Variants in GRIP2 observed in about 807,000 individuals in gnomAD.
GRIP2 encodes the protein glutamate receptor-interacting protein 2.
GRIP2 carries 58 observed loss-of-function variants against 108.3 expected under a neutral mutation model. That is an observed-to-expected ratio of 0.54 (90% CI 0.43 to 0.67). The LOEUF (loss-of-function observed/expected upper bound fraction) is 0.67, where lower values mean the gene tolerates loss of function less well. GRIP2 is among the 30% of genes least tolerant of loss of function. GRIP2 has a pLI of 0.00. For synonymous variants in GRIP2, 586 were observed against 598.2 expected (o/e 0.98, Z 0.30); for missense variants, 1,278 against 1,430.6 (o/e 0.89, Z 1.72).
At chr3:14,524,039 C>G (rs1396951127) in intron 4 of GRIP2, 1 of 476,222 alleles carries the variant, frequency 2.1e-6, no homozygotes, top group Non-Finnish European at 3.8e-6. Context: ...AAATCCCAAG[C>G]TAGGTGAAAC....
rs902843900 is a variant in GRIP2, at chr3:14,511,514, G to A, written c.1721-35C>T. On this transcript the variant is annotated intron_variant, in intron 14 of 23. Transcript: ENST00000621039. This position sits in a 1 kb window ranked among gnomAD's most constrained non-coding sequence, Gnocchi z 4.1. The stretch of plus-strand genomic sequence containing the variant: ...AAGAGGCCATGAATCTGACCTTGGT[G>A]GCCTCAGCCTGGGGTGGGGTGGCGA... The A allele has an allele frequency of 3.7e-6, 6 of 1,608,474 alleles. No homozygotes were observed. The African/African-American group carries it at 6.7e-5, about 18-fold the overall frequency.
At chr3:14,519,591 C>T (rs1421975152) in intron 9 of GRIP2, among the ~76,000 whole-genome samples, 2 of 152,162 alleles carry the variant, frequency 1.3e-5, no homozygotes, top group Admixed American at 1.3e-4. Context: ...TGGCCACCCC[C>T]CACCCTGCCC....
At chr3:14,501,409 A>T (rs1693760775) in intron 21 of GRIP2, among the ~76,000 whole-genome samples, 1 of 152,230 alleles carries the variant, frequency 6.6e-6, no homozygotes. Context: ...TGTAAAAGGC[A>T]CTGGACTAAA....
chr3:14,525,403 C>G, intron 3 of GRIP2, 34 bp downstream of exon 3: 1 of 1,606,138 alleles, frequency 6.2e-7, no homozygotes, highest in Non-Finnish European at 8.5e-7. Context: ...CCTCTGCACC[C>G]CCCTCCTGCG....
At chr3:14,503,774 G>A (rs1487972949) in intron 20 of GRIP2, 103 bp from the exon 21 acceptor site, 3 of 309,434 alleles carry the variant, frequency 9.7e-6, no homozygotes, top group African/African-American at 7.1e-5. Context: ...GGGCTCGAGG[G>A]GCCATAGGGT....
chr3:14,562,505 T>G, the GRIP2 span, among the ~76,000 whole-genome samples: 1 of 152,254 alleles, frequency 6.6e-6, no homozygotes, highest in Non-Finnish European at 1.5e-5. Context: ...ATCATTTTTC[T>G]ATGAACAGAT....
In GRIP2 at chr3:14,522,910, G is replaced by C; in HGVS notation, c.566+90C>G. 1 of 1,050,684 alleles carries C rather than the reference G, an allele frequency of 9.5e-7. No homozygotes were observed. Among genetic ancestry groups the C allele is most frequent in the Admixed American group, 1.7e-5 (1 of 58,122 alleles). The allele number at this position is 1,050,684 out of a possible 1,614,324, so 65.1% of individuals were successfully genotyped here. A position where few individuals can be genotyped will look rare whatever the true frequency, so the allele number is the denominator to read the frequency against. On this transcript the variant is annotated intron_variant, in intron 6 of 23. Transcript: ENST00000621039. This position sits in a 1 kb window ranked among gnomAD's most constrained non-coding sequence, Gnocchi z 4.3. ...TCAGGGCCTCGATCTCTTCATCTGG[G>C]GAAGGGGCATGGTGACCCCACTCCA...
At chr3:14,565,595 A>AGCAGGGTTGTGCC in the GRIP2 span, among the ~76,000 whole-genome samples, 1 of 146,678 alleles carries the variant, frequency 6.8e-6, no homozygotes, top group Non-Finnish European at 1.5e-5. Context: ...GAGGTGGGAG[A>AGCAGGGTTGTGCC]GCAGGGTTGT....
the GRIP2 span, among the ~76,000 whole-genome samples, chr3:14,599,685 C>CTCTGTGTG: frequency 7.8e-6 from 1 of 127,466 alleles, no homozygotes; most frequent in African/African-American, 2.9e-5. Context: ...CTCTCTCTCT[C>CTCTGTGTG]TGTGTGTGTG....
the GRIP2 span, among the ~76,000 whole-genome samples, chr3:14,569,668 A>G: frequency 7.2e-5 from 11 of 152,276 alleles, no homozygotes; most frequent in Admixed American, 6.5e-5. Context: ...CACACATGCC[A>G]GCGCCGCTTC....
In GRIP2 at chr3:14,489,205, T is replaced by C. The variant is rs1030164064; in HGVS notation, c.*4460A>G. The C allele has an allele frequency of 4.6e-5, 7 of 152,666 alleles. No individual in the cohort carries two copies. Among genetic ancestry groups the C allele is most frequent in the Admixed American group, 3.9e-4 (6 of 15,284 alleles). The allele number at this position is 152,666 out of a possible 1,614,324, so 9.5% of individuals were successfully genotyped here. ...TGTGTATAAATGTTTTATGATATGA[T>C]TCCCTGTATTTTGCAGGGGTTTTTT... On this transcript the variant is annotated 3_prime_UTR_variant, in exon 24 of 24. Coordinates refer to ENST00000621039, the MANE Select transcript of GRIP2 (RefSeq NM_001080423.4).
chr3:14,550,613 T>C (rs1196214955), intron 1 of GRIP2, among the ~76,000 whole-genome samples: 1 of 152,158 alleles, frequency 6.6e-6, no homozygotes, highest in Non-Finnish European at 1.5e-5. Context: ...GGCCTCAATC[T>C]CCTCATGCAT....
chr3:14,523,180 G>A (rs995136925), intron 5 of GRIP2, 105 bp from the exon 6 acceptor site: 1 of 836,514 alleles, frequency 1.2e-6, no homozygotes, highest in African/African-American at 1.7e-5. Flanking sequence ...CCTGTTTGAG[G>A]ACCTTGTCCT....
chr3:14,525,494 G>A lies in GRIP2; in HGVS notation c.200C>T (p.Thr67Ile), dbSNP rs1694529474. 1 of 1,613,462 alleles carries A rather than the reference G, an allele frequency of 6.2e-7. No individual in the cohort carries two copies. The highest frequency in any genetic ancestry group is 2.2e-5 in the East Asian group (1 of 44,866). ...GACCCTGGGCTTTCCATCCTTGTCG[G>A]TGCCACCTGAGATAGTCAGGCCCAG... Reference protein sequence around the residue: ...STLGLTISGGTDKDGKPRVSN... With the variant: ...STLGLTISGGIDKDGKPRVSN... Residue 67 changes from threonine to isoleucine, a missense_variant, in exon 3 of 24, where the codon ACC becomes ATC. Transcript: ENST00000621039.
the GRIP2 span, chr3:14,573,484 G>A: frequency 1.3e-6 from 2 of 1,546,740 alleles, no homozygotes. Context: ...TCAGGGTTGA[G>A]GAAAGGCAGG....
Position 14,540,338 on chromosome 3 carries a change from A to G in GRIP2, c.-30T>C. The stretch of plus-strand genomic sequence containing the variant: ...GCTATTGTCTCCCCTGCTGCCCACC[A>G]ACTCCCTCGGGAGCCACGCTGCTTG... On this transcript the variant is annotated 5_prime_UTR_variant, in exon 1 of 24. Coordinates refer to ENST00000621039, the MANE Select transcript of GRIP2 (RefSeq NM_001080423.4). This position sits in a 1 kb window ranked among gnomAD's most constrained non-coding sequence, Gnocchi z 4.1. 6.2e-7 allele frequency: 1 copy of G among 1,612,682 alleles called. No homozygotes were observed. The highest frequency in any genetic ancestry group is 2.2e-5 in the East Asian group (1 of 44,818).
intron 1 of GRIP2, among the ~76,000 whole-genome samples, chr3:14,533,103 TTCAC>T (rs1694752565): frequency 6.6e-6 from 1 of 152,214 alleles, no homozygotes; most frequent in Non-Finnish European, 1.5e-5. Flanking sequence ...CCACCTCCAG[TTCAC>T]ATCAGCCACC....
chr3:14,542,208 T>C, upstream of GRIP2: 1 of 492,534 alleles, frequency 2.0e-6, no homozygotes, highest in Non-Finnish European at 3.3e-6. Context: ...TGGGCTGGAG[T>C]GCAGTGGCGC....
the GRIP2 span, chr3:14,573,668 G>T: frequency 6.7e-7 from 1 of 1,489,532 alleles, no homozygotes; most frequent in Non-Finnish European, 9.3e-7. Flanking sequence ...GGTTGGTGTG[G>T]TTCCCGGGGT....
Sources: allele counts gnomAD v4.1 joint callset (sites outside exome capture counted in the v4.1 genomes callset), GRCh38; gene constraint gnomAD v4.1.1; non-coding constraint Gnocchi (gnomAD v3.1); transcripts MANE v1.5; gene names NCBI Gene and HGNC (gene_info 2026-07-23, HGNC 2026-07-21).